WDPCP: variants seen among roughly 807,000 people sequenced by gnomAD.
WDPCP encodes the protein WD repeat-containing and planar cell polarity effector protein fritz homolog.
A neutral mutation model predicts 93.1 loss-of-function variants in WDPCP; 71 were observed. That is an observed-to-expected ratio of 0.76 (90% CI 0.63 to 0.93). The LOEUF (loss-of-function observed/expected upper bound fraction) is 0.93, where lower values mean the gene tolerates loss of function less well. Ranked by LOEUF, WDPCP falls within the 40% of genes least tolerant of loss-of-function variation. The pLI, the probability that WDPCP is intolerant of heterozygous loss-of-function variation, is 0.00. For missense variants in WDPCP, 844 were observed against 887.4 expected (o/e 0.95, Z 0.62); for synonymous variants, 315 against 315.0 (o/e 1.00, Z 0.00).
chr2:63,728,539 T>C (rs1318315712), intron 2 of WDPCP, among the ~76,000 whole-genome samples: 2 of 152,196 alleles, frequency 1.3e-5, no homozygotes, highest in Non-Finnish European at 1.5e-5. Context: ...GTGATACTTT[T>C]TAAAAGTAAT....
intron 9 of WDPCP, among the ~76,000 whole-genome samples, chr2:63,407,232 A>G (rs1694660109): frequency 6.6e-6 from 1 of 152,076 alleles, no homozygotes; most frequent in Non-Finnish European, 1.5e-5. Context: ...GAGAGCTTCA[A>G]GCAGAGGAAA....
At chr2:63,556,137 T>C (rs1706100238) in intron 1 of WDPCP, among the ~76,000 whole-genome samples, 1 of 151,880 alleles carries the variant, frequency 6.6e-6, no homozygotes, top group Non-Finnish European at 1.5e-5. Context: ...GAATAACCAG[T>C]TTAGAGAGGA....
intron 17 of WDPCP, among the ~76,000 whole-genome samples, chr2:63,137,811 A>G (rs752160167): frequency 6.6e-6 from 1 of 152,100 alleles, no homozygotes; most frequent in African/African-American, 2.4e-5. Flanking sequence ...TTGAATAGGG[A>G]TGCATTTCTC....
At chr2:63,622,611 A>G (rs1055939941) in intron 3 of WDPCP, 56 of 1,613,766 alleles carry the variant, frequency 3.5e-5, no homozygotes, top group Non-Finnish European at 4.6e-5. Context: ...CGAGTGAGCA[A>G]CATTGGCAGG....
intron 17 of WDPCP, among the ~76,000 whole-genome samples, chr2:63,146,831 A>G (rs188427576): frequency 3.5e-4 from 54 of 152,382 alleles, no homozygotes; most frequent in Non-Finnish European, 1.0e-4. Context: ...GGACAGGTTA[A>G]TGGACAGATA....
At chr2:63,610,679 C>T (rs1415833459) in intron 3 of WDPCP, among the ~76,000 whole-genome samples, 1 of 152,174 alleles carries the variant, frequency 6.6e-6, no homozygotes, top group African/African-American at 2.4e-5. Flanking sequence ...ACATTCAATG[C>T]ATAACCAAAG....
chr2:63,804,629 T>C (rs965191611), intron 2 of WDPCP, among the ~76,000 whole-genome samples: 1 of 151,698 alleles, frequency 6.6e-6, no homozygotes, highest in Admixed American at 6.6e-5. Flanking sequence ...CTTTGCAAGA[T>C]AATGTTGGTG....
chr2:63,632,449 A>C (rs1048384244), intron 3 of WDPCP, among the ~76,000 whole-genome samples: 1 of 152,240 alleles, frequency 6.6e-6, no homozygotes, highest in Non-Finnish European at 1.5e-5. Context: ...AAGCTATACC[A>C]GAACACAGAT....
chr2:63,256,477 G>C (rs1160703432), intron 14 of WDPCP, among the ~76,000 whole-genome samples: 3 of 152,092 alleles, frequency 2.0e-5, no homozygotes, highest in African/African-American at 7.2e-5. Flanking sequence ...GCCAAAACTG[G>C]AACTCTTACA....
intron 1 of WDPCP, among the ~76,000 whole-genome samples, chr2:63,517,022 T>G (rs1215261718): frequency 6.6e-6 from 1 of 152,154 alleles, no homozygotes; most frequent in Non-Finnish European, 1.5e-5. Flanking sequence ...TATCTCACTA[T>G]CCGTCACCAC....
rs1170419265 is a variant in WDPCP at position 63,338,561 on chromosome 2, AAAAAAAAAATAT to A, written c.1749-25262_1749-25251del. On this transcript the variant is annotated intron_variant, in intron 12 of 17. Coordinates refer to ENST00000272321, the MANE Select transcript of WDPCP (RefSeq NM_015910.7). Reference sequence around the variant, plus strand: ...GAGCAAAACTCCATCTAAAAAAAAAAAAAAAAAAATATATATATATATATATATATATATATA... The same window carrying A: ...GAGCAAAACTCCATCTAAAAAAAAAAATATATATATATATATATATATATA... 7.2e-4 allele frequency among the ~76,000 whole-genome samples: 54 copies of A among 74,688 alleles called. 2 individuals are homozygous for A. The highest frequency in any genetic ancestry group is 2.5e-3 in the African/African-American group (45 of 18,146). The allele number at this position is 74,688 out of a possible 152,430, so 49.0% of individuals were successfully genotyped here.
intron 6 of WDPCP, among the ~76,000 whole-genome samples, chr2:63,481,602 GGAATTGCA>G (rs1339525740): frequency 1.1e-4 from 17 of 152,172 alleles, no homozygotes; most frequent in African/African-American, 3.9e-4. Context: ...CAATTTAGAT[GGAATTGCA>G]GACCATTATT....
intron 12 of WDPCP, among the ~76,000 whole-genome samples, chr2:63,371,840 C>T (rs1447104068): frequency 6.6e-6 from 1 of 152,280 alleles, no homozygotes; most frequent in African/African-American, 2.4e-5. Context: ...GCAGTCTACT[C>T]ACCCATCATC....
At chr2:63,207,197 A>G (rs1188543906) in intron 14 of WDPCP, among the ~76,000 whole-genome samples, 4 of 152,172 alleles carry the variant, frequency 2.6e-5, no homozygotes, top group Non-Finnish European at 4.4e-5. Context: ...TCATTATCCA[A>G]TAGATTTCCT....
chr2:63,281,577 C>T (rs1237011610), intron 13 of WDPCP, among the ~76,000 whole-genome samples: 1 of 152,128 alleles, frequency 6.6e-6, no homozygotes, highest in South Asian at 2.1e-4. Context: ...TGGAACCAGT[C>T]CAAATACCAA....
At chr2:63,258,029 C>T (rs1348867708) in intron 14 of WDPCP, among the ~76,000 whole-genome samples, 1 of 152,110 alleles carries the variant, frequency 6.6e-6, no homozygotes, top group East Asian at 1.9e-4. Flanking sequence ...ATGCTTTCAT[C>T]ATTTAGTTAG....
chr2:63,416,504 C>CCCTTATAATGATCTGAT (rs375812264), intron 9 of WDPCP, among the ~76,000 whole-genome samples: 5 of 149,320 alleles, frequency 3.3e-5, no homozygotes, highest in African/African-American at 1.2e-4. Context: ...TTGGATATGA[C>CCCTTATAATGATCTGAT]ATTAGCATTA....
chr2:63,807,789 T>C (rs965508738), intron 2 of WDPCP, among the ~76,000 whole-genome samples: 2 of 152,238 alleles, frequency 1.3e-5, no homozygotes, highest in African/African-American at 4.8e-5. Flanking sequence ...GAATACTAAA[T>C]ACAAGACTGT....
At chr2:63,588,953 C>T (rs1709076547), upstream of WDPCP, 18 of 1,581,702 alleles carry the variant, frequency 1.1e-5, no homozygotes, top group East Asian at 2.2e-5. Flanking sequence ...TAACACCGCT[C>T]GCCCTCTCCG....
Sources: gnomAD v4.1 joint callset for allele counts (sites outside exome capture counted in the v4.1 genomes callset) on GRCh38, gnomAD v4.1.1 for gene constraint, MANE v1.5 for transcripts, NCBI Gene and HGNC (gene_info 2026-07-23, HGNC 2026-07-21) for gene names.